The following COL21A1 variants were observed in gnomAD, a reference collection of about 807,000 sequenced individuals.
COL21A1 encodes collagen type XXI alpha 1 chain, also known as collagen alpha-1(XXI) chain.
A neutral mutation model predicts 137.9 loss-of-function variants in COL21A1; 149 were observed. The ratio of observed to expected loss-of-function variants is 1.08; its 90% CI spans 0.95 to 1.24. COL21A1 has a LOEUF of 1.24. Ranked by LOEUF, COL21A1 falls within the 50% of genes most tolerant of loss-of-function variation. The probability of loss-of-function intolerance (pLI) is 0.00; values close to 1 mark genes in which losing one functional copy is unlikely to be tolerated. For missense variants in COL21A1, 1,167 were observed against 1,158.4 expected, an observed-to-expected ratio of 1.01 and a Z score of -0.11; for synonymous variants, 456 against 391.5, an observed-to-expected ratio of 1.16 and a Z score of -1.95.
chr6:56,099,803 C>T (rs1026901700), intron 17 of COL21A1, among the ~76,000 whole-genome samples: 1 of 152,084 alleles, frequency 6.6e-6, no homozygotes, highest in Non-Finnish European at 1.5e-5. Context: ...TTATGGCTCA[C>T]ATATGTTGAG....
At chr6:56,105,237 T>C (rs1770785201) in intron 16 of COL21A1, among the ~76,000 whole-genome samples, 1 of 152,148 alleles carries the variant, frequency 6.6e-6, no homozygotes, top group African/African-American at 2.4e-5. Flanking sequence ...GAACCTGATG[T>C]TATGCATAAA....
intron 1 of COL21A1, among the ~76,000 whole-genome samples, chr6:56,227,504 A>G (rs1380352029): frequency 6.6e-6 from 1 of 152,058 alleles, no homozygotes; most frequent in East Asian, 1.9e-4. Flanking sequence ...CAGTTATTAC[A>G]CTTCAGAGTA....
intron 16 of COL21A1, among the ~76,000 whole-genome samples, chr6:56,114,291 C>T (rs1447601277): frequency 2.6e-5 from 4 of 152,180 alleles, no homozygotes; most frequent in African/African-American, 9.7e-5. Context: ...AGATCTGACC[C>T]AGAGCATAGT....
At chr6:56,277,455 CTTGT>C (rs1307336281) in intron 1 of COL21A1, among the ~76,000 whole-genome samples, 2 of 152,134 alleles carry the variant, frequency 1.3e-5, no homozygotes, top group African/African-American at 4.8e-5. Flanking sequence ...CATTTGGAGA[CTTGT>C]TTGTTACTGC....
At chr6:56,069,758 C>T (rs78996483) in intron 21 of COL21A1, among the ~76,000 whole-genome samples, 22,656 of 150,128 alleles carry the variant, frequency 0.15, 1,736 homozygotes, top group Middle Eastern at 0.21. Flanking sequence ...GAAGAGTATC[C>T]ATATTTATCA....
intron 1 of COL21A1, among the ~76,000 whole-genome samples, chr6:56,278,747 T>A (rs1316569384): frequency 1.3e-5 from 2 of 152,154 alleles, no homozygotes; most frequent in Non-Finnish European, 2.9e-5. Context: ...GTCACACCGA[T>A]TGGTGGTGAA....
At chr6:56,120,799 T>A (rs866674857) in intron 16 of COL21A1, among the ~76,000 whole-genome samples, 2,208 of 136,326 alleles carry the variant, frequency 0.016, 33 homozygotes, top group Middle Eastern at 0.04. Context: ...TGTCTCAATT[T>A]AAAAAAAAAA....
intron 17 of COL21A1, among the ~76,000 whole-genome samples, chr6:56,097,976 TATATATAAATATATATGTAAATATATAA>T (rs1562188976): frequency 2.3e-4 from 13 of 57,528 alleles, no homozygotes; most frequent in Non-Finnish European, 3.3e-4. Flanking sequence ...AATATATAAA[TATATATAAATATATATGTAAATATATAA>T]ATATATAAAT....
intron 1 of COL21A1, among the ~76,000 whole-genome samples, chr6:56,316,477 C>CTTTTTGTTTTTTTT (rs1764739190): frequency 1.3e-5 from 1 of 75,786 alleles, no homozygotes; most frequent in Non-Finnish European, 2.3e-5. Context: ...TCTAAATAGA[C>CTTTTTGTTTTTTTT]TTTTTTTTTT....
intron 16 of COL21A1, among the ~76,000 whole-genome samples, chr6:56,121,405 A>G (rs1345499298): frequency 1.3e-5 from 2 of 151,312 alleles, no homozygotes; most frequent in African/African-American, 4.9e-5. Flanking sequence ...CAAAAGGTAG[A>G]GCCCACAGGA....
chr6:56,270,921 G>T (rs1763509830), intron 1 of COL21A1, among the ~76,000 whole-genome samples: 1 of 152,098 alleles, frequency 6.6e-6, no homozygotes, highest in Non-Finnish European at 1.5e-5. Flanking sequence ...AACCTCTTTT[G>T]TTTACAAATT....
At chr6:56,303,229 A>G (rs1479373517) in intron 1 of COL21A1, among the ~76,000 whole-genome samples, 2 of 152,216 alleles carry the variant, frequency 1.3e-5, no homozygotes, top group Admixed American at 6.5e-5. Flanking sequence ...TTTTGGGTCC[A>G]TATGAACTTT....
rs1030407712 is a variant in COL21A1 at position 56,319,556 on chromosome 6, T to C, written c.-39+74415A>G. On this transcript the variant is annotated intron_variant, in intron 1 of 28. Transcript: ENST00000370819. ...TTTCACCATGTTGTCCAGGCTGGTC[T>C]CAAACTCCTGACCTCAGGTGATCTG... Among the ~76,000 whole-genome samples, 6 of 152,190 alleles carry C rather than the reference T, an allele frequency of 3.9e-5. No individual in the cohort carries two copies. In the East Asian group the frequency reaches 1.2e-3, roughly 29 times the overall value.
At chr6:56,338,605 C>CT (rs924345089) in intron 1 of COL21A1, among the ~76,000 whole-genome samples, 1 of 152,210 alleles carries the variant, frequency 6.6e-6, no homozygotes, top group Non-Finnish European at 1.5e-5. Flanking sequence ...ATCTCCCTCT[C>CT]TATCTCTTCT....
intron 1 of COL21A1, among the ~76,000 whole-genome samples, chr6:56,368,812 A>G (rs1255136196): frequency 6.6e-6 from 1 of 152,162 alleles, no homozygotes. Flanking sequence ...GAAATTTTCA[A>G]TGGTCTCTAA....
At chr6:56,106,630 T>C (rs149766836) in intron 16 of COL21A1, among the ~76,000 whole-genome samples, 225 of 152,206 alleles carry the variant, frequency 1.5e-3, no homozygotes, top group African/African-American at 5.1e-3. Flanking sequence ...GGTCAAAATA[T>C]ATACAGGATA....
intron 1 of COL21A1, among the ~76,000 whole-genome samples, chr6:56,233,905 G>A (rs1007085118): frequency 4.6e-5 from 7 of 151,716 alleles, no homozygotes; most frequent in African/African-American, 1.7e-4. Context: ...AAAACAATGA[G>A]GGGGTAATTG....
intron 10 of COL21A1, among the ~76,000 whole-genome samples, chr6:56,148,472 T>C (rs1400701252): frequency 6.6e-6 from 1 of 152,168 alleles, no homozygotes; most frequent in Non-Finnish European, 1.5e-5. Flanking sequence ...ATATACTTTG[T>C]AAGTAAGCCA....
At chr6:56,310,237 T>C (rs960136157) in intron 1 of COL21A1, among the ~76,000 whole-genome samples, 1 of 152,192 alleles carries the variant, frequency 6.6e-6, no homozygotes, top group African/African-American at 2.4e-5. Context: ...AGATACAGCC[T>C]GGCTACTTTG....
Sources: allele counts gnomAD v4.1 joint callset (sites outside exome capture counted in the v4.1 genomes callset), GRCh38; gene constraint gnomAD v4.1.1; transcripts MANE v1.5; gene names NCBI Gene and HGNC (gene_info 2026-07-23, HGNC 2026-07-21).